The following TET3 variants were observed in gnomAD, a reference collection of about 807,000 sequenced individuals.
The protein encoded by TET3 is tet methylcytosine dioxygenase 3.
In TET3, 19 loss-of-function variants were observed where a neutral mutation model predicts 141.4. The ratio of observed to expected loss-of-function variants is 0.13; its 90% CI spans 0.09 to 0.20. The LOEUF (loss-of-function observed/expected upper bound fraction) is 0.20. TET3 is among the 10% of genes least tolerant of loss of function. The pLI, the probability that TET3 is intolerant of heterozygous loss-of-function variation, is 1.00. For missense variants in TET3, 1,874 were observed against 2,356.9 expected (o/e 0.80, Z 4.24); for synonymous variants, 1,043 against 980.9 (o/e 1.06, Z -1.18).
chr2:74,098,128 G>GA (rs1426228618), intron 10 of TET3, among the ~76,000 whole-genome samples: 6 of 152,298 alleles, frequency 3.9e-5, no homozygotes, highest in Non-Finnish European at 8.8e-5. Context: ...TGGTATGAGT[G>GA]AAAAACCGAA....
In TET3 at chr2:74,046,529, G is replaced by A. The variant is rs774559437; in HGVS notation, c.612G>A (p.Ser204=). 6.8e-6 allele frequency: 11 copies of A among 1,613,854 alleles called. No homozygotes were observed. The highest frequency in any genetic ancestry group is 6.7e-5 in the African/African-American group (5 of 74,928). The stretch of plus-strand genomic sequence containing the variant: ...ATGCCCACGATCTGGTGGCCTTTTC[G>A]GCTGTGGCCGAAGCTGTGTCCTCTT... ...LEDAHDLVAF[S]AVAEAVSSYG... Residue 204 remains serine (S), a synonymous_variant, in exon 4 of 12, where the codon TCG becomes TCA. Coordinates refer to ENST00000409262, the MANE Select transcript of TET3 (RefSeq NM_001287491.2). This position sits in a 1 kb window ranked among gnomAD's most constrained non-coding sequence, Gnocchi z 4.3.
chr2:74,002,632 G>A (rs997956052), intron 2 of TET3: 3 of 364,932 alleles, frequency 8.2e-6, no homozygotes, highest in East Asian at 4.1e-5. Flanking sequence ...GCCGGCCGCG[G>A]GGATTGGCTG....
At chr2:74,028,261 A>G (rs1044015560) in intron 3 of TET3, among the ~76,000 whole-genome samples, 1 of 149,934 alleles carries the variant, frequency 6.7e-6, no homozygotes, top group Non-Finnish European at 1.5e-5. Context: ...CTGGAATTAC[A>G]GATTTGAGTT....
the TET3 span, among the ~76,000 whole-genome samples, chr2:74,124,739 G>A: frequency 3.3e-5 from 5 of 152,138 alleles, no homozygotes; most frequent in African/African-American, 9.6e-5. Flanking sequence ...TGCTCGTTAA[G>A]AGTCATCACC....
Position 74,046,249 on chromosome 2 carries a change from T to TC in TET3, c.361-27dup, listed in dbSNP as rs1687611057. 1.4e-6 allele frequency: 2 copies of TC among 1,465,108 alleles called. No individual in the cohort carries two copies. Among genetic ancestry groups the TC allele is most frequent in the Non-Finnish European group, 1.8e-6 (2 of 1,109,924 alleles). 90.8% of individuals were successfully genotyped at this position (1,465,108 alleles called of 1,614,324 possible). On this transcript the variant is annotated intron_variant, in intron 3 of 11. Transcript: ENST00000409262. The surrounding 1 kb of genome is among the most constrained non-coding windows in gnomAD (Gnocchi z 4.3). ...TTTCAAATAGTGTGGTTCATTTTTTTCCTTTTTCCCCCTTCTCTCTCTCTT... is the reference window on the plus strand; with the variant it reads ...TTTCAAATAGTGTGGTTCATTTTTTTCCCTTTTTCCCCCTTCTCTCTCTCTT...
At chr2:74,061,711 GC>G (rs1247491226) in intron 4 of TET3, among the ~76,000 whole-genome samples, 21 of 148,972 alleles carry the variant, frequency 1.4e-4, no homozygotes, top group Admixed American at 1.4e-3. Context: ...CGGGGCAGCT[GC>G]CGGGCGGAGG....
At position 74,093,263 on chromosome 2, in the gene TET3, G is replaced by A. The variant is rs1690616828; in HGVS notation, c.3130-266G>A. ...GGTCTGGTATCCACTGGTGAGGCCC[G>A]AGTTTCTCTCACCTGTCACCCTTGT... On this transcript the variant is annotated intron_variant, in intron 9 of 11. Transcript: ENST00000409262. This position sits in a 1 kb window ranked among gnomAD's most constrained non-coding sequence, Gnocchi z 4.2. Among the ~76,000 whole-genome samples, 1 of 152,162 alleles carries A rather than the reference G, an allele frequency of 6.6e-6. No individual in the cohort carries two copies. Among genetic ancestry groups the A allele is most frequent in the Non-Finnish European group, 1.5e-5 (1 of 68,028 alleles).
chr2:74,129,915 G>GA, the TET3 span, among the ~76,000 whole-genome samples: 4 of 151,886 alleles, frequency 2.6e-5, no homozygotes, highest in African/African-American at 9.7e-5. Flanking sequence ...CCAACATGGT[G>GA]AAACCCCATC....
chr2:74,039,585 C>G (rs1687238971), intron 3 of TET3, among the ~76,000 whole-genome samples: 1 of 152,154 alleles, frequency 6.6e-6, no homozygotes. Flanking sequence ...TTTTGTTATG[C>G]CCAGGGATTC....
the TET3 span, among the ~76,000 whole-genome samples, chr2:74,132,855 C>T: frequency 2.0e-5 from 3 of 151,990 alleles, no homozygotes; most frequent in East Asian, 1.9e-4. Flanking sequence ...TAGCTGGACC[C>T]GTGTCCTTTC....
chr2:74,089,229 A>G (rs1224529600), intron 7 of TET3, among the ~76,000 whole-genome samples: 3 of 152,090 alleles, frequency 2.0e-5, no homozygotes, highest in African/African-American at 4.8e-5. Context: ...CTCTGTGAGA[A>G]TGTCACATAA....
intron 3 of TET3, among the ~76,000 whole-genome samples, chr2:74,014,183 A>G (rs1048120581): frequency 2.6e-5 from 4 of 152,010 alleles, no homozygotes; most frequent in Non-Finnish European, 5.9e-5. Context: ...TTTATTTGGT[A>G]TGTCCTTTTT....
the TET3 span, chr2:74,130,730 G>A: frequency 1.3e-5 from 2 of 152,252 alleles, no homozygotes; most frequent in African/African-American, 4.8e-5. Context: ...CAGCCGGCCT[G>A]AGGGACCGCA....
chr2:74,081,620 G>T (rs1400529460), intron 6 of TET3, among the ~76,000 whole-genome samples: 2 of 152,186 alleles, frequency 1.3e-5, no homozygotes, highest in Non-Finnish European at 2.9e-5. Flanking sequence ...AGAGAGGCTG[G>T]GTGGACAGAC....
intron 7 of TET3, among the ~76,000 whole-genome samples, chr2:74,088,400 T>C (rs1223221824): frequency 6.6e-6 from 1 of 152,090 alleles, no homozygotes; most frequent in Non-Finnish European, 1.5e-5. Context: ...CCCAGCACTT[T>C]GGGAGGCCGA....
rs1281090892 is a variant in TET3 at position 74,105,564 on chromosome 2, G to C, written c.*3388G>C. The stretch of plus-strand genomic sequence containing the variant: ...TGTTTCCCACACCCCGGCTTCATGG[G>C]TACTGCTTTGCCTTCTCACCAAGGT... On this transcript the variant is annotated 3_prime_UTR_variant, in exon 12 of 12. Coordinates refer to ENST00000409262, the MANE Select transcript of TET3 (RefSeq NM_001287491.2). 1 of 396,978 alleles carries C rather than the reference G, an allele frequency of 2.5e-6. No homozygotes were observed. The highest frequency in any genetic ancestry group is 2.1e-5 in the African/African-American group (1 of 48,548). 24.6% of individuals were successfully genotyped at this position (396,978 alleles called of 1,614,324 possible). A position where few individuals can be genotyped will look rare whatever the true frequency, so the allele number is the denominator to read the frequency against.
At chr2:74,076,723 C>G (rs1689535813) in intron 5 of TET3, among the ~76,000 whole-genome samples, 1 of 151,858 alleles carries the variant, frequency 6.6e-6, no homozygotes, top group South Asian at 2.1e-4. Context: ...ATGCAAATCC[C>G]CTGGGTAGGG....
chr2:74,125,769 A>G, the TET3 span, among the ~76,000 whole-genome samples: 6 of 152,052 alleles, frequency 3.9e-5, 1 homozygote, highest in East Asian at 1.2e-3. Flanking sequence ...CCCTAGCCTC[A>G]AGCAATCCTC....
At position 74,081,319 on chromosome 2, in the gene TET3, C is replaced by T. The variant is rs542537328; in HGVS notation, c.2679+728C>T. On this transcript the variant is annotated intron_variant, in intron 6 of 11. Coordinates refer to ENST00000409262, the MANE Select transcript of TET3 (RefSeq NM_001287491.2). ...GCTGAGGAGGAGCAGCCAGGTTCCTCGGGTGCCTGCAAGCTCAGCCTCGCG... is the reference window on the plus strand; with the variant it reads ...GCTGAGGAGGAGCAGCCAGGTTCCTTGGGTGCCTGCAAGCTCAGCCTCGCG... Among the ~76,000 whole-genome samples the T allele has an allele frequency of 1.4e-4, 22 of 152,344 alleles. No individual in the cohort carries two copies. In the South Asian group the frequency reaches 2.3e-3, roughly 16 times the overall value.
Sources: allele counts gnomAD v4.1 joint callset (sites outside exome capture counted in the v4.1 genomes callset), GRCh38; gene constraint gnomAD v4.1.1; non-coding constraint Gnocchi (gnomAD v3.1); transcripts MANE v1.5; gene names NCBI Gene and HGNC (gene_info 2026-07-23, HGNC 2026-07-21).